The following ASXL2 variants were observed in gnomAD, a reference collection of about 807,000 sequenced individuals.
ASXL2 encodes putative Polycomb group protein ASXL2.
ASXL2 carries 23 observed loss-of-function variants against 122.0 expected under a neutral mutation model. That is an observed-to-expected ratio of 0.19 (90% CI 0.14 to 0.27). ASXL2 has a LOEUF of 0.27. ASXL2 is among the 10% of genes least tolerant of loss of function. The pLI is 1.00. For synonymous variants in ASXL2, 650 were observed against 637.0 expected, an observed-to-expected ratio of 1.02 and a Z score of -0.31; for missense variants, 1,518 against 1,713.8, an observed-to-expected ratio of 0.89 and a Z score of 2.02.
intron 9 of ASXL2, 111 bp from the exon 10 acceptor site, chr2:25,756,225 G>T (rs1460553354): frequency 3.2e-5 from 15 of 475,316 alleles, no homozygotes; most frequent in Non-Finnish European, 5.3e-5. Context: ...TATTTTAATA[G>T]AAATATAACT....
At chr2:25,803,915 G>A (rs534595580) in intron 4 of ASXL2, among the ~76,000 whole-genome samples, 2 of 152,294 alleles carry the variant, frequency 1.3e-5, no homozygotes, top group African/African-American at 4.8e-5. Context: ...TATGTGAGGA[G>A]AAACCTCCAC....
At chr2:25,812,474 C>G (rs1476312284) in intron 3 of ASXL2, among the ~76,000 whole-genome samples, 1 of 151,984 alleles carries the variant, frequency 6.6e-6, no homozygotes, top group South Asian at 2.1e-4. Flanking sequence ...ATAACAACAA[C>G]AATAACAAAA....
intron 5 of ASXL2, among the ~76,000 whole-genome samples, chr2:25,789,670 A>G (rs1309886769): frequency 2.0e-5 from 3 of 152,226 alleles, no homozygotes; most frequent in Non-Finnish European, 2.9e-5. Context: ...CGATGCTCAA[A>G]GGAAATGTTC....
At position 25,771,189 on chromosome 2, in the gene ASXL2, T is replaced by C. The variant is rs549490913; in HGVS notation, c.504+251A>G. On this transcript the variant is annotated intron_variant, in intron 6 of 12. Transcript: ENST00000435504. The stretch of plus-strand genomic sequence containing the variant: ...AAGCAGACGTTGCAGTGAGCTGAGA[T>C]TGCACCCACTGTACTCCAGCCTGGC... 6.6e-5 allele frequency among the ~76,000 whole-genome samples: 10 copies of C among 152,264 alleles called. No individual in the cohort carries two copies. The South Asian group carries it at 2.1e-3, about 32-fold the overall frequency.
Position 25,759,655 on chromosome 2 carries a change from CAG to C in ASXL2, c.776-12_776-11del, listed in dbSNP as rs2088205538. ...GTTCTTTTCATTTGTCCTACAAAAA[CAG>C]AGAAGAATCGTTTGGGCCTCCCTCA... is the stretch of plus-strand genomic sequence containing the variant. On this transcript the variant is annotated splice_polypyrimidine_tract_variant and intron_variant, in intron 8 of 12. Transcript: ENST00000435504. 1.2e-6 allele frequency: 2 copies of C among 1,604,058 alleles called. No individual in the cohort carries two copies. Among genetic ancestry groups the C allele is most frequent in the South Asian group, 1.1e-5 (1 of 90,128 alleles).
chr2:25,847,801 A>G (rs2089666434), intron 1 of ASXL2, among the ~76,000 whole-genome samples: 1 of 152,220 alleles, frequency 6.6e-6, no homozygotes, highest in African/African-American at 2.4e-5. Flanking sequence ...ACTTCAAAAA[A>G]TATACAAGAA....
At chr2:25,792,028 G>A (rs1574418931) in intron 5 of ASXL2, among the ~76,000 whole-genome samples, 1 of 152,116 alleles carries the variant, frequency 6.6e-6, no homozygotes. Context: ...ACAGGGTCTC[G>A]CTCTGTCACC....
intron 1 of ASXL2, among the ~76,000 whole-genome samples, chr2:25,870,810 G>GT (rs1490694922): frequency 6.6e-6 from 1 of 151,890 alleles, no homozygotes; most frequent in Admixed American, 6.6e-5. Context: ...TATATACGAG[G>GT]TAAAAAAAAA....
At chr2:25,834,035 G>A (rs959182482) in intron 3 of ASXL2, among the ~76,000 whole-genome samples, 2 of 151,904 alleles carry the variant, frequency 1.3e-5, no homozygotes, top group African/African-American at 4.8e-5. Flanking sequence ...ATTCACATTT[G>A]GTTCCTATCA....
Position 25,749,961 on chromosome 2 carries a change from C to T in ASXL2, c.1595G>A (p.Gly532Glu). Reference protein sequence around the residue: ...VTSPSKPKSPGVEKPIVKPTA... With the variant: ...VTSPSKPKSPEVEKPIVKPTA... Reference sequence around the variant, plus strand: ...GGGCTTCACTATTGGTTTTTCAACCCCAGGACTCTTGGGTTTGCTTGGCGA... The same window carrying T: ...GGGCTTCACTATTGGTTTTTCAACCTCAGGACTCTTGGGTTTGCTTGGCGA... The change falls in exon 12 of 13, where the codon GGG becomes GAG. Residue 532 changes from glycine (G) to glutamate (E), a missense_variant. Coordinates refer to ENST00000435504, the MANE Select transcript of ASXL2 (RefSeq NM_018263.6). The T allele has an allele frequency of 1.9e-6, 3 of 1,613,928 alleles. No individual in the cohort carries two copies. Among genetic ancestry groups the T allele is most frequent in the Non-Finnish European group, 2.5e-6 (3 of 1,179,872 alleles).
intron 4 of ASXL2, among the ~76,000 whole-genome samples, chr2:25,804,147 G>A (rs1360875380): frequency 2.0e-5 from 3 of 152,176 alleles, no homozygotes; most frequent in Admixed American, 6.5e-5. Context: ...ATAAAAAGGA[G>A]GCAGGTGGGT....
At chr2:25,812,800 A>C (rs1244370879) in intron 3 of ASXL2, among the ~76,000 whole-genome samples, 2 of 152,220 alleles carry the variant, frequency 1.3e-5, no homozygotes, top group African/African-American at 4.8e-5. Context: ...TATGATAATA[A>C]AGTAACCAAC....
chr2:25,862,040 T>C (rs933701069), intron 1 of ASXL2, among the ~76,000 whole-genome samples: 5 of 152,246 alleles, frequency 3.3e-5, no homozygotes, highest in Non-Finnish European at 1.5e-5. Flanking sequence ...ATTATTCCTA[T>C]ATTTAAAAAA....
intron 5 of ASXL2, among the ~76,000 whole-genome samples, chr2:25,792,222 A>C (rs2088845991): frequency 6.6e-6 from 1 of 152,126 alleles, no homozygotes; most frequent in Admixed American, 6.5e-5. Context: ...GGCTGGCCTC[A>C]AACTCCTGGG....
chr2:25,870,139 G>A (rs1029410267), intron 1 of ASXL2, among the ~76,000 whole-genome samples: 5 of 152,184 alleles, frequency 3.3e-5, no homozygotes, highest in African/African-American at 1.2e-4. Context: ...CACCATGGAA[G>A]CTAACAACTC....
intron 3 of ASXL2, chr2:25,822,498 T>G (rs2089324181): frequency 2.1e-6 from 1 of 483,364 alleles, no homozygotes; most frequent in Non-Finnish European, 3.9e-6. Flanking sequence ...AGTGGTACTA[T>G]CGAAGGGACT....
intron 3 of ASXL2, among the ~76,000 whole-genome samples, chr2:25,830,615 G>A (rs1476404306): frequency 2.1e-5 from 3 of 140,932 alleles, no homozygotes; most frequent in Non-Finnish European, 4.5e-5. Context: ...GACGGAGCAA[G>A]ACTCTGCCTC....
chr2:25,859,942 G>A (rs1261991296), intron 1 of ASXL2, among the ~76,000 whole-genome samples: 1 of 151,960 alleles, frequency 6.6e-6, no homozygotes, highest in Non-Finnish European at 1.5e-5. Context: ...CCAGCACTAT[G>A]GAAGGCCAAG....
Position 25,737,485 on chromosome 2 carries a change from A to C in ASXL2, c.*4544T>G, listed in dbSNP as rs930289825. ...GAGAAAACATGGAGACAGACAGATA[A>C]GGAAAATTTAATCAGTTTTACTTAA... is the stretch of plus-strand genomic sequence containing the variant. On this transcript the variant is annotated 3_prime_UTR_variant, in exon 13 of 13. Coordinates refer to ENST00000435504, the MANE Select transcript of ASXL2 (RefSeq NM_018263.6). 1 of 152,214 alleles carries C rather than the reference A, an allele frequency of 6.6e-6. No homozygotes were observed. Among genetic ancestry groups the C allele is most frequent in the Non-Finnish European group, 1.5e-5 (1 of 68,036 alleles). 9.4% of individuals were successfully genotyped at this position (152,214 alleles called of 1,614,324 possible). A position where few individuals can be genotyped will look rare whatever the true frequency, so the allele number is the denominator to read the frequency against.
Sources: allele counts gnomAD v4.1 joint callset (sites outside exome capture counted in the v4.1 genomes callset), GRCh38; gene constraint gnomAD v4.1.1; transcripts MANE v1.5; gene names NCBI Gene and HGNC (gene_info 2026-07-23, HGNC 2026-07-21).